The following PLEKHA6 variants were observed in gnomAD, a reference collection of about 807,000 sequenced individuals.
PLEKHA6 encodes the protein pleckstrin homology domain-containing family A member 6.
A neutral mutation model predicts 116.7 loss-of-function variants in PLEKHA6; 60 were observed. That is an observed-to-expected ratio of 0.51 (90% CI 0.42 to 0.64). PLEKHA6 has a LOEUF of 0.64. Ranked by LOEUF, PLEKHA6 falls within the 30% of genes least tolerant of loss-of-function variation. The pLI is 0.00. For missense variants in PLEKHA6, 1,338 were observed against 1,422.7 expected (o/e 0.94, Z 0.96); for synonymous variants, 489 against 556.1 (o/e 0.88, Z 1.70).
At chr1:204,239,113 C>A (rs749404137) in intron 17 of PLEKHA6, among the ~76,000 whole-genome samples, 1 of 152,204 alleles carries the variant, frequency 6.6e-6, no homozygotes, top group Non-Finnish European at 1.5e-5. Context: ...CAAAGGGTGA[C>A]CTCAGCAGAG....
chr1:204,265,071 GT>G lies in PLEKHA6; in HGVS notation c.281-30del, dbSNP rs779730877. The G allele has an allele frequency of 1.5e-4, 211 of 1,373,138 alleles. 1 individual carries two copies. Among genetic ancestry groups the G allele is most frequent in the Non-Finnish European group, 2.1e-4 (208 of 997,204 alleles). 85.1% of individuals were successfully genotyped at this position (1,373,138 alleles called of 1,614,324 possible). A position where few individuals can be genotyped will look rare whatever the true frequency, so the allele number is the denominator to read the frequency against. On this transcript the variant is annotated intron_variant, in intron 5 of 22. Coordinates refer to ENST00000272203, the MANE Select transcript of PLEKHA6 (RefSeq NM_014935.5). ...TCAGGGAGAGAGGCACAAGAAGGGT[GT>G]GTGTGTGTGTGTGCAAGCGTGTGCG...
intron 1 of PLEKHA6, among the ~76,000 whole-genome samples, chr1:204,374,812 A>C (rs1673837844): frequency 6.6e-6 from 1 of 151,614 alleles, no homozygotes; most frequent in African/African-American, 2.4e-5. Flanking sequence ...AACAGTAGTC[A>C]CTCCTAGCTT....
At chr1:204,311,150 G>T (rs1671643735) in intron 1 of PLEKHA6, among the ~76,000 whole-genome samples, 1 of 152,214 alleles carries the variant, frequency 6.6e-6, no homozygotes, top group South Asian at 2.1e-4. Context: ...CTCCTGCAGA[G>T]ACAGCACACT....
chr1:204,225,051 G>T (rs1346106417), intron 21 of PLEKHA6, among the ~76,000 whole-genome samples: 1 of 152,160 alleles, frequency 6.6e-6, no homozygotes. Flanking sequence ...TAGCCCAGGG[G>T]AGATTAGAAA....
intron 9 of PLEKHA6, among the ~76,000 whole-genome samples, chr1:204,254,395 G>A (rs1664997207): frequency 6.6e-6 from 1 of 152,174 alleles, no homozygotes; most frequent in South Asian, 2.1e-4. Flanking sequence ...TGGGTCACAT[G>A]GCTTGTGACT....
At chr1:204,330,052 T>C (rs1672392615) in intron 1 of PLEKHA6, among the ~76,000 whole-genome samples, 1 of 152,160 alleles carries the variant, frequency 6.6e-6, no homozygotes, top group South Asian at 2.1e-4. Flanking sequence ...ATATATATAA[T>C]CAGGGAAATA....
At position 204,257,887 on chromosome 1, in the gene PLEKHA6, T is replaced by C. The variant is rs1446460085; in HGVS notation, c.1008-18A>G. The C allele has an allele frequency of 1.3e-6, 2 of 1,586,404 alleles. No homozygotes were observed. The highest frequency in any genetic ancestry group is 1.7e-6 in the Non-Finnish European group (2 of 1,162,108). On this transcript the variant is annotated intron_variant, in intron 8 of 22. Transcript: ENST00000272203. This position sits in a 1 kb window ranked among gnomAD's most constrained non-coding sequence, Gnocchi z 6.5. ...TAGAGGGACTGAGAGAGAGGGGACA[T>C]TGTAATGAAGGCAGACAACACGGGC... is the stretch of plus-strand genomic sequence containing the variant.
intron 1 of PLEKHA6, among the ~76,000 whole-genome samples, chr1:204,376,494 TATGATC>T (rs1673873872): frequency 1.3e-5 from 2 of 152,322 alleles, no homozygotes; most frequent in African/African-American, 4.8e-5. Context: ...CAACATCAAT[TATGATC>T]ATGGTGGTGA....
intron 17 of PLEKHA6, 83 bp downstream of exon 17, chr1:204,241,292 C>A: frequency 1.2e-6 from 1 of 830,080 alleles, no homozygotes; most frequent in Admixed American, 2.2e-5. Flanking sequence ...TCTTGAACAG[C>A]AGAGGGAGAT....
At chr1:204,296,698 C>T (rs1327530475) in intron 1 of PLEKHA6, among the ~76,000 whole-genome samples, 1 of 152,196 alleles carries the variant, frequency 6.6e-6, no homozygotes, top group East Asian at 1.9e-4. Flanking sequence ...TGAGCCCCTC[C>T]AGGCCTCCCT....
chr1:204,241,836 AT>A (rs771851102), intron 15 of PLEKHA6, 22 bp from the exon 16 acceptor site: 1 of 1,613,600 alleles, frequency 6.2e-7, no homozygotes, highest in Non-Finnish European at 8.5e-7. Context: ...GGGTGAGAAG[AT>A]GGTTGATGTT....
intron 21 of PLEKHA6, among the ~76,000 whole-genome samples, chr1:204,226,690 G>T (rs931733878): frequency 1.3e-5 from 2 of 152,096 alleles, no homozygotes; most frequent in Admixed American, 6.5e-5. Context: ...TACCTCCAAG[G>T]CTCTCCCTGG....
At chr1:204,310,492 T>C (rs1009528795) in intron 1 of PLEKHA6, among the ~76,000 whole-genome samples, 5 of 152,192 alleles carry the variant, frequency 3.3e-5, no homozygotes, top group African/African-American at 9.7e-5. Context: ...TGGCCATCTC[T>C]TACTCCCTCC....
chr1:204,339,550 T>C (rs1672774503), intron 1 of PLEKHA6, among the ~76,000 whole-genome samples: 1 of 152,170 alleles, frequency 6.6e-6, no homozygotes, highest in African/African-American at 2.4e-5. Flanking sequence ...CCCAGTAGCC[T>C]CCAGCTCCCC....
intron 2 of PLEKHA6, among the ~76,000 whole-genome samples, chr1:204,274,344 C>A (rs1421212526): frequency 6.6e-6 from 1 of 152,122 alleles, no homozygotes; most frequent in East Asian, 1.9e-4. Flanking sequence ...ATCCTCTTTT[C>A]TTTTTTTCTC....
At chr1:204,349,293 C>G (rs933437797) in intron 1 of PLEKHA6, among the ~76,000 whole-genome samples, 1 of 152,210 alleles carries the variant, frequency 6.6e-6, no homozygotes, top group East Asian at 1.9e-4. Flanking sequence ...AATCCCAGCA[C>G]TTTGGGAGGC....
chr1:204,254,177 T>G (rs1255113836), intron 9 of PLEKHA6, among the ~76,000 whole-genome samples: 1 of 152,244 alleles, frequency 6.6e-6, no homozygotes, highest in East Asian at 1.9e-4. Context: ...CTCCCGGCCC[T>G]GCTCAGAGTT....
chr1:204,274,794 C>T lies in PLEKHA6; in HGVS notation c.-79G>A, dbSNP rs1378306016. ...CAGTCACTGGGTGTAGAAATGTGTT[C>T]CGTCTTTCATTGTGGCTGTAGAGGG... On this transcript the variant is annotated 5_prime_UTR_variant, in exon 2 of 23. Coordinates refer to ENST00000272203, the MANE Select transcript of PLEKHA6 (RefSeq NM_014935.5). 1 of 985,694 alleles carries T rather than the reference C, an allele frequency of 1.0e-6. No homozygotes were observed. The highest frequency in any genetic ancestry group is 1.2e-6 in the Non-Finnish European group (1 of 829,930). The allele number at this position is 985,694 out of a possible 1,614,324, so 61.1% of individuals were successfully genotyped here. A position where few individuals can be genotyped will look rare whatever the true frequency, so the allele number is the denominator to read the frequency against.
At chr1:204,336,852 G>A (rs1188445540) in intron 1 of PLEKHA6, among the ~76,000 whole-genome samples, 3 of 152,186 alleles carry the variant, frequency 2.0e-5, no homozygotes, top group Non-Finnish European at 4.4e-5. Flanking sequence ...CCCTGCTAGG[G>A]CTGTACCAGA....
Sources: gnomAD v4.1 joint callset for allele counts (sites outside exome capture counted in the v4.1 genomes callset) on GRCh38, gnomAD v4.1.1 for gene constraint, Gnocchi (gnomAD v3.1) non-coding constraint, MANE v1.5 for transcripts, NCBI Gene and HGNC (gene_info 2026-07-23, HGNC 2026-07-21) for gene names.